Variants in SCML4 observed in about 807,000 individuals in gnomAD.
SCML4 encodes the protein sex comb on midleg-like protein 4.
SCML4 carries 34 observed loss-of-function variants against 41.1 expected under a neutral mutation model. That is an observed-to-expected ratio of 0.83 (90% confidence interval 0.63 to 1.10). The LOEUF (loss-of-function observed/expected upper bound fraction) is 1.10. Ranked by LOEUF, SCML4 falls within the 50% of genes least tolerant of loss-of-function variation. The pLI, the probability that SCML4 is intolerant of heterozygous loss-of-function variation, is 0.00. For missense variants in SCML4, 522 were observed against 534.1 expected (o/e 0.98, Z 0.22); for synonymous variants, 214 against 220.9 (o/e 0.97, Z 0.28).
intron 5 of SCML4, among the ~76,000 whole-genome samples, chr6:107,730,149 C>T (rs1319518400): frequency 6.6e-6 from 1 of 152,082 alleles, no homozygotes; most frequent in Non-Finnish European, 1.5e-5. Flanking sequence ...TACCTAAATC[C>T]AATATTTAAA....
chr6:107,826,563 G>A (rs1479764175), upstream of SCML4, among the ~76,000 whole-genome samples: 1 of 152,142 alleles, frequency 6.6e-6, no homozygotes, highest in East Asian at 1.9e-4. Flanking sequence ...AAGTAAAAGG[G>A]TTGGCAGAAT....
intron 2 of SCML4, among the ~76,000 whole-genome samples, chr6:107,767,583 A>C (rs1780165499): frequency 6.6e-6 from 1 of 152,234 alleles, no homozygotes; most frequent in Admixed American, 6.5e-5. Context: ...GCATTTACCC[A>C]TATTAATTAG....
At chr6:107,728,229 G>A (rs1776186726) in intron 5 of SCML4, among the ~76,000 whole-genome samples, 1 of 152,222 alleles carries the variant, frequency 6.6e-6, no homozygotes, top group Non-Finnish European at 1.5e-5. Flanking sequence ...ACTATAGTTG[G>A]AAAATACAGA....
chr6:107,801,444 C>G (rs1404257064), intron 1 of SCML4, among the ~76,000 whole-genome samples: 9 of 152,200 alleles, frequency 5.9e-5, no homozygotes, highest in Non-Finnish European at 1.2e-4. Context: ...CTGCCCCCCA[C>G]CCCAGGTATG....
chr6:107,715,164 G>A (rs190967398), intron 6 of SCML4, among the ~76,000 whole-genome samples: 1 of 137,756 alleles, frequency 7.3e-6, no homozygotes, highest in Non-Finnish European at 1.5e-5. Context: ...TAGTAGGGAC[G>A]GGGTTTCACC....
intron 5 of SCML4, among the ~76,000 whole-genome samples, chr6:107,723,933 C>A (rs375925415): frequency 6.6e-6 from 1 of 152,090 alleles, no homozygotes; most frequent in South Asian, 2.1e-4. Context: ...AAACTGAACC[C>A]GGCAACATAT....
the SCML4 span, among the ~76,000 whole-genome samples, chr6:107,834,706 G>A: frequency 1.3e-5 from 2 of 152,188 alleles, no homozygotes; most frequent in Non-Finnish European, 2.9e-5. Context: ...AGCACTTTGG[G>A]AGGCTGAGGC....
the SCML4 span, among the ~76,000 whole-genome samples, chr6:107,831,406 A>T: frequency 1.7e-5 from 1 of 59,300 alleles, no homozygotes. Context: ...TGAAATTTTC[A>T]TTCTCAAAAA....
upstream of SCML4, among the ~76,000 whole-genome samples, chr6:107,828,153 A>G (rs1785311049): frequency 6.6e-6 from 1 of 152,222 alleles, no homozygotes; most frequent in Non-Finnish European, 1.5e-5. Flanking sequence ...CCAAGGACAC[A>G]CAGCTTAGAA....
intron 1 of SCML4, among the ~76,000 whole-genome samples, chr6:107,778,227 ATATATATATATATATAT>A (rs1781185120): frequency 1.7e-4 from 1 of 5,750 alleles, no homozygotes; most frequent in African/African-American, 3.6e-4. Flanking sequence ...AAAAAAATAT[ATATATATATATATATAT>A]ATATATATAT....
intron 1 of SCML4, among the ~76,000 whole-genome samples, chr6:107,784,154 C>T (rs940216596): frequency 6.6e-6 from 1 of 152,192 alleles, no homozygotes; most frequent in Non-Finnish European, 1.5e-5. Flanking sequence ...TCTGCCTGCC[C>T]TTGAGACCAG....
the SCML4 span, among the ~76,000 whole-genome samples, chr6:107,842,078 A>T: frequency 3.9e-5 from 6 of 152,120 alleles, no homozygotes; most frequent in South Asian, 2.1e-4. Context: ...TTTTCCTCTA[A>T]AGCACTGCCT....
At chr6:107,766,497 C>T (rs1780058536) in intron 2 of SCML4, among the ~76,000 whole-genome samples, 1 of 152,234 alleles carries the variant, frequency 6.6e-6, no homozygotes, top group East Asian at 1.9e-4. Flanking sequence ...AAACTATTAT[C>T]GAATTTAGCA....
At chr6:107,808,713 T>G (rs1353211078) in intron 1 of SCML4, among the ~76,000 whole-genome samples, 2 of 152,236 alleles carry the variant, frequency 1.3e-5, no homozygotes, top group Non-Finnish European at 2.9e-5. Context: ...TCATGTGGCC[T>G]TTTTCATTTC....
chr6:107,820,458 G>A (rs1295371366), intron 1 of SCML4, among the ~76,000 whole-genome samples: 2 of 152,194 alleles, frequency 1.3e-5, no homozygotes, highest in Non-Finnish European at 2.9e-5. Flanking sequence ...AATGCTGAAT[G>A]CTCCTGTCTG....
rs979282391 is a variant in SCML4, at chr6:107,728,865, G to A, written c.683-7872C>T. On this transcript the variant is annotated intron_variant, in intron 5 of 7. Coordinates refer to ENST00000369020, the MANE Select transcript of SCML4 (RefSeq NM_198081.5). The stretch of plus-strand genomic sequence containing the variant: ...TCTGTAAAGTGGCTCCTGGGTGGCC[G>A]CGAGTGAACAGCACGTTCAGATGCA... Among the ~76,000 whole-genome samples the A allele has an allele frequency of 7.2e-5, 11 of 152,152 alleles. No homozygotes were observed. In the South Asian group the frequency reaches 1.2e-3, roughly 17 times the overall value.
At chr6:107,707,786 C>T (rs1362073577) in intron 7 of SCML4, 80 bp downstream of exon 7, 3 of 1,529,720 alleles carry the variant, frequency 2.0e-6, no homozygotes, top group Non-Finnish European at 2.7e-6. Context: ...CTGGCAGCAT[C>T]CCGCAGCTCC....
At chr6:107,804,584 C>A (rs947789687) in intron 1 of SCML4, among the ~76,000 whole-genome samples, 1 of 152,174 alleles carries the variant, frequency 6.6e-6, no homozygotes, top group Admixed American at 6.5e-5. Context: ...CAGACACACA[C>A]ACCTATTTAA....
intron 2 of SCML4, among the ~76,000 whole-genome samples, chr6:107,763,754 A>G (rs899580729): frequency 1.3e-5 from 2 of 152,178 alleles, no homozygotes; most frequent in African/African-American, 2.4e-5. Context: ...CCATGTGAGG[A>G]CACAGTAAGA....
Sources: gnomAD v4.1 joint callset for allele counts (sites outside exome capture counted in the v4.1 genomes callset) on GRCh38, gnomAD v4.1.1 for gene constraint, MANE v1.5 for transcripts, NCBI Gene and HGNC (gene_info 2026-07-23, HGNC 2026-07-21) for gene names.